Variants in SOCS7 observed in about 807,000 individuals in gnomAD.
SOCS7 encodes the protein suppressor of cytokine signaling 7.
SOCS7 carries 18 observed loss-of-function variants against 58.9 expected under a neutral mutation model. The observed-to-expected ratio is 0.31, with a 90% CI of 0.21 to 0.45. The LOEUF is 0.45. Among genes scored for constraint, SOCS7 ranks in the 20% least tolerant of loss-of-function variants. The pLI is 1.00. For missense variants in SOCS7, 667 were observed against 837.3 expected, an observed-to-expected ratio of 0.80 and a Z score of 2.51; for synonymous variants, 388 against 364.3, an observed-to-expected ratio of 1.06 and a Z score of -0.74.
At chr17:38,363,977 A>G (rs1412110289) in intron 2 of SOCS7, among the ~76,000 whole-genome samples, 2 of 152,174 alleles carry the variant, frequency 1.3e-5, no homozygotes, top group Non-Finnish European at 2.9e-5. Flanking sequence ...GTGGAGAGGG[A>G]ATAGACAGAG....
Position 38,392,466 on chromosome 17 carries a change from G to A in SOCS7, c.1682-2843G>A, listed in dbSNP as rs145607640. Among the ~76,000 whole-genome samples the A allele has an allele frequency of 9.2e-5, 14 of 152,322 alleles. No individual in the cohort carries two copies. In the East Asian group the frequency reaches 2.7e-3, roughly 29 times the overall value. Reference sequence around the variant, plus strand: ...CCCCCAAAGCTTTCTGTTTGCCACAGTTTAATTTACTAAAGAATATATAAA... The same window carrying A: ...CCCCCAAAGCTTTCTGTTTGCCACAATTTAATTTACTAAAGAATATATAAA... On this transcript the variant is annotated intron_variant, in intron 7 of 9. Transcript: ENST00000612932.
intron 7 of SOCS7, among the ~76,000 whole-genome samples, chr17:38,386,979 G>A (rs908556317): frequency 1.6e-4 from 24 of 149,244 alleles, no homozygotes; most frequent in African/African-American, 2.5e-5. Flanking sequence ...CCAGCTACTC[G>A]GGCAGCTGAG....
At position 38,395,872 on chromosome 17, in the gene SOCS7, G is replaced by T. The variant is rs1333882083; in HGVS notation, c.1842G>T (p.Lys614Asn). ...LPKPLISYIR[K>N]FYYYDPQEEV... is the part of the protein sequence containing the mutation. The stretch of plus-strand genomic sequence containing the variant: ...GACCTCTGATCTCTTATATCCGAAA[G>T]TTCTACTACTATGATCCTCAGGAAG... Residue 614 changes from lysine (K) to asparagine (N), a missense_variant, in exon 9 of 10, where the codon AAG becomes AAT. Coordinates refer to ENST00000612932, the MANE Select transcript of SOCS7 (RefSeq NM_014598.4). The T allele has an allele frequency of 6.2e-7, 1 of 1,611,272 alleles. No individual in the cohort carries two copies. Among genetic ancestry groups the T allele is most frequent in the Admixed American group, 1.7e-5 (1 of 59,074 alleles).
rs2037565786 is a variant in SOCS7, at chr17:38,352,381, T to G, written c.329T>G (p.Leu110Arg). 1 of 1,438,196 alleles carries G rather than the reference T, an allele frequency of 7.0e-7. No individual in the cohort carries two copies. Among genetic ancestry groups the G allele is most frequent in the Admixed American group, 3.0e-5 (1 of 33,266 alleles). 89.1% of individuals were successfully genotyped at this position (1,438,196 alleles called of 1,614,324 possible). ...AAGGCCCTGCCGCCGGGCTTGGCGC[T>G]CGAGCGGACCTGGGGCCCGGCGGCT... ...DPKALPPGLA[L>R]ERTWGPAAGL... Residue 110 changes from leucine (L) to arginine (R), a missense_variant, in exon 1 of 10, where the codon CTC (leucine) becomes CGC (arginine). Physicochemically the swap from Leu to Arg is moderately radical, Grantham distance 102. Transcript: ENST00000612932. The surrounding 1 kb of genome is among the most constrained non-coding windows in gnomAD (Gnocchi z 5.5).
Position 38,352,184 on chromosome 17 carries a change from C to G in SOCS7, c.132C>G (p.Gly44=). ...PGPPPPPPGH[G]PPPPPFLARP... ...CTCCGCCACCGCCCCCGGGCCATGGCCCCCCGCCGCCACCCTTCCTCGCGC... is the reference window on the plus strand; with the variant it reads ...CTCCGCCACCGCCCCCGGGCCATGGGCCCCCGCCGCCACCCTTCCTCGCGC... The change falls in exon 1 of 10, where the codon GGC becomes GGG. Residue 44 remains glycine (G), a synonymous_variant. Transcript: ENST00000612932. This position sits in a 1 kb window ranked among gnomAD's most constrained non-coding sequence, Gnocchi z 5.5. The G allele has an allele frequency of 1.5e-6, 2 of 1,294,776 alleles. No individual in the cohort carries two copies. The highest frequency in any genetic ancestry group is 9.7e-7 in the Non-Finnish European group (1 of 1,027,818). The allele number at this position is 1,294,776 out of a possible 1,614,324, so 80.2% of individuals were successfully genotyped here. A position where few individuals can be genotyped will look rare whatever the true frequency, so the allele number is the denominator to read the frequency against.
intron 9 of SOCS7, among the ~76,000 whole-genome samples, chr17:38,399,204 G>GA (rs947416493): frequency 1.3e-5 from 2 of 152,156 alleles, no homozygotes; most frequent in African/African-American, 4.8e-5. Flanking sequence ...GAGCCTCAGG[G>GA]AAAAAATGGG....
chr17:38,359,378 G>A (rs2037684824), intron 1 of SOCS7, among the ~76,000 whole-genome samples: 1 of 152,144 alleles, frequency 6.6e-6, no homozygotes, highest in South Asian at 2.1e-4. Context: ...TATGGAAGAG[G>A]TTGCCAAGGG....
chr17:38,375,787 A>T (rs2037923239), intron 6 of SOCS7: 1 of 151,984 alleles, frequency 6.6e-6, no homozygotes, highest in South Asian at 2.1e-4. Flanking sequence ...GTTCTTGGAA[A>T]CTGACTTTAA....
Position 38,362,847 on chromosome 17 carries a change from A to G in SOCS7, c.1045+1072A>G, listed in dbSNP as rs587718129. ...GGCTTGGTCACGGTCACGGTGGCTC[A>G]TGCCTATAATCCCAGCACTTTGGGA... On this transcript the variant is annotated intron_variant, in intron 2 of 9. Transcript: ENST00000612932. Among the ~76,000 whole-genome samples, 29 of 152,358 alleles carry G rather than the reference A, an allele frequency of 1.9e-4. No individual in the cohort carries two copies. In the East Asian group the frequency reaches 2.3e-3, roughly 12 times the overall value.
chr17:38,386,779 T>C lies in SOCS7; in HGVS notation c.1682-8530T>C, dbSNP rs549458658. On this transcript the variant is annotated intron_variant, in intron 7 of 9. Coordinates refer to ENST00000612932, the MANE Select transcript of SOCS7 (RefSeq NM_014598.4). Reference sequence around the variant, plus strand: ...TTGGTTCCCTATCATCCTTTGAAGGTGACCATTTGAAAAATATAATTAATG... The same window carrying C: ...TTGGTTCCCTATCATCCTTTGAAGGCGACCATTTGAAAAATATAATTAATG... 5.3e-5 allele frequency among the ~76,000 whole-genome samples: 8 copies of C among 152,124 alleles called. No homozygotes were observed. The East Asian group carries it at 1.5e-3, about 29-fold the overall frequency.
At position 38,352,135 on chromosome 17, in the gene SOCS7, G is replaced by C; in HGVS notation, c.83G>C (p.Gly28Ala). ...GTCCTGAGCCGCCTCCTTGGCTATG[G>C]AGAGGCGGCCCCCGAGCCAGGCCCT... ...YRVLSRLLGY[G>A]EAAPEPGPPP... The change falls in exon 1 of 10, where the codon GGA (glycine) becomes GCA (alanine). Residue 28 changes from glycine to alanine, a missense_variant. Physicochemically the swap from Gly to Ala is moderately conservative, Grantham distance 60 (BLOSUM62 0). This residue lies in a region of SOCS7 where 65 missense variants were observed against 51.0 expected (regional missense o/e 1.27). Coordinates refer to ENST00000612932, the MANE Select transcript of SOCS7 (RefSeq NM_014598.4). The surrounding 1 kb of genome is among the most constrained non-coding windows in gnomAD (Gnocchi z 5.5). The C allele has an allele frequency of 9.3e-7, 1 of 1,075,348 alleles. No individual in the cohort carries two copies. The highest frequency in any genetic ancestry group is 1.2e-6 in the Non-Finnish European group (1 of 847,388). The allele number at this position is 1,075,348 out of a possible 1,614,324, so 66.6% of individuals were successfully genotyped here.
chr17:38,369,135 G>GA (rs897733170), intron 6 of SOCS7, among the ~76,000 whole-genome samples: 1 of 152,166 alleles, frequency 6.6e-6, no homozygotes, highest in African/African-American at 2.4e-5. Context: ...GCTACAAATT[G>GA]AAAAAGCATA....
chr17:38,387,805 T>C (rs1453519988), intron 7 of SOCS7, among the ~76,000 whole-genome samples: 1 of 145,136 alleles, frequency 6.9e-6, no homozygotes, highest in African/African-American at 2.6e-5. Flanking sequence ...AGTCTCACTC[T>C]GTCACCCAGG....
At chr17:38,369,518 AAAAC>A (rs1471964450) in intron 6 of SOCS7, among the ~76,000 whole-genome samples, 1 of 152,214 alleles carries the variant, frequency 6.6e-6, no homozygotes, top group East Asian at 1.9e-4. Flanking sequence ...CACAAGGAAA[AAAAC>A]AAAATGTGAA....
chr17:38,383,888 A>G (rs1393973152), intron 7 of SOCS7, among the ~76,000 whole-genome samples: 2 of 152,138 alleles, frequency 1.3e-5, no homozygotes, highest in African/African-American at 2.4e-5. Flanking sequence ...ACATTTGCTG[A>G]TGAGATATTA....
intron 7 of SOCS7, among the ~76,000 whole-genome samples, chr17:38,388,177 T>A (rs2038105691): frequency 6.6e-6 from 1 of 152,094 alleles, no homozygotes; most frequent in Non-Finnish European, 1.5e-5. Flanking sequence ...TATTTTTCCC[T>A]CTCTCCCTCC....
intron 1 of SOCS7, among the ~76,000 whole-genome samples, chr17:38,360,237 C>T (rs587645503): frequency 6.6e-6 from 1 of 151,202 alleles, no homozygotes; most frequent in African/African-American, 2.4e-5. Context: ...CACTCTGTCA[C>T]CCAGGCTGGA....
Position 38,395,449 on chromosome 17 carries a change from A to G in SOCS7, c.1817+5A>G, listed in dbSNP as rs1473692297. The G allele has an allele frequency of 6.2e-7, 1 of 1,612,474 alleles. No individual in the cohort carries two copies. Among genetic ancestry groups the G allele is most frequent in the African/African-American group, 1.3e-5 (1 of 75,014 alleles). On this transcript the variant is annotated splice_donor_5th_base_variant and intron_variant, in intron 8 of 9. Transcript: ENST00000612932. ...CCCAGATCTCCCACTGCCTAAGTAC[A>G]ATGGGGTTGTCAGGTTTGGGACAGG...
intron 7 of SOCS7, among the ~76,000 whole-genome samples, chr17:38,383,732 C>G (rs775435114): frequency 1.3e-5 from 2 of 152,042 alleles, no homozygotes; most frequent in Non-Finnish European, 2.9e-5. Context: ...TTTTTAGAGA[C>G]GGGGTTTCAC....
Sources: gnomAD v4.1 joint callset for allele counts (sites outside exome capture counted in the v4.1 genomes callset) on GRCh38, gnomAD v4.1.1 for gene constraint, gnomAD v4.1.1 regional missense constraint, Gnocchi (gnomAD v3.1) non-coding constraint, MANE v1.5 for transcripts, NCBI Gene and HGNC (gene_info 2026-07-23, HGNC 2026-07-21) for gene names.